The following SUSD5 variants were observed in gnomAD, a reference collection of about 807,000 sequenced individuals.
The protein encoded by SUSD5 is sushi domain containing 5.
In SUSD5, 33 loss-of-function variants were observed where a neutral mutation model predicts 29.5. That is an observed-to-expected ratio of 1.12 (90% CI 0.85 to 1.49). The LOEUF (loss-of-function observed/expected upper bound fraction) is 1.49. Among genes scored for constraint, SUSD5 ranks in the 40% most tolerant of loss-of-function variants. The pLI is 0.00. For missense variants in SUSD5, 776 were observed against 800.6 expected, an observed-to-expected ratio of 0.97 and a Z score of 0.37; for synonymous variants, 308 against 325.3, an observed-to-expected ratio of 0.95 and a Z score of 0.57.
intron 3 of SUSD5, among the ~76,000 whole-genome samples, chr3:33,190,913 C>T (rs1303741245): frequency 6.6e-6 from 1 of 152,116 alleles, no homozygotes; most frequent in Non-Finnish European, 1.5e-5. Context: ...TTTAATCTCC[C>T]CTAAATTGTC....
intron 3 of SUSD5, among the ~76,000 whole-genome samples, chr3:33,187,874 A>G (rs1242624737): frequency 7.3e-6 from 1 of 136,802 alleles, no homozygotes; most frequent in Non-Finnish European, 1.5e-5. Context: ...TCATTGTTCA[A>G]TTCCCACCTA....
At chr3:33,198,530 C>G (rs182074612) in intron 3 of SUSD5, among the ~76,000 whole-genome samples, 53 of 152,322 alleles carry the variant, frequency 3.5e-4, no homozygotes, top group African/African-American at 1.2e-3. Flanking sequence ...GCAGCCAGAA[C>G]AATTTTCAGA....
At chr3:33,180,679 T>C (rs1422475594) in intron 3 of SUSD5, among the ~76,000 whole-genome samples, 2 of 151,156 alleles carry the variant, frequency 1.3e-5, no homozygotes, top group Non-Finnish European at 3.0e-5. Flanking sequence ...ATACTAAAAA[T>C]ACAAAAAAAA....
intron 2 of SUSD5, among the ~76,000 whole-genome samples, chr3:33,213,189 C>T (rs536419803): frequency 1.3e-5 from 2 of 152,158 alleles, no homozygotes; most frequent in African/African-American, 4.8e-5. Flanking sequence ...AGGAGGATTG[C>T]TTGAGGTCAG....
chr3:33,207,338 A>C (rs2032240783), intron 3 of SUSD5, among the ~76,000 whole-genome samples: 1 of 151,904 alleles, frequency 6.6e-6, no homozygotes, highest in South Asian at 2.1e-4. Flanking sequence ...ATGCACACGG[A>C]CTCCTGGTAG....
chr3:33,213,723 T>C lies in SUSD5; in HGVS notation c.290+205A>G, dbSNP rs567050061. 2.6e-5 allele frequency among the ~76,000 whole-genome samples: 4 copies of C among 151,472 alleles called. No homozygotes were observed. In the South Asian group the frequency reaches 8.3e-4, roughly 31 times the overall value. ...TGGGAGGTGGAGGTTGCAGTGAGCC[T>C]AGATTGCACCACTGCACTCCAACCT... On this transcript the variant is annotated intron_variant, in intron 2 of 4. Coordinates refer to ENST00000309558, the MANE Select transcript of SUSD5 (RefSeq NM_015551.2).
At position 33,152,573 on chromosome 3, in the gene SUSD5, C is replaced by T; in HGVS notation, c.*169G>A. The T allele has an allele frequency of 1.4e-6, 1 of 694,306 alleles. No individual in the cohort carries two copies. The highest frequency in any genetic ancestry group is 2.4e-6 in the Non-Finnish European group (1 of 422,418). The allele number at this position is 694,306 out of a possible 1,614,324, so 43.0% of individuals were successfully genotyped here. A position where few individuals can be genotyped will look rare whatever the true frequency, so the allele number is the denominator to read the frequency against. On this transcript the variant is annotated 3_prime_UTR_variant, in exon 5 of 5. Transcript: ENST00000309558. ...ATGAGTGATGATGTCACCAAAGCCT[C>T]CCTGCCCTCCCAGGTGCTCCAGAGA...
At chr3:33,174,741 G>A (rs1185258121) in intron 4 of SUSD5, 145 bp downstream of exon 4, 2 of 820,922 alleles carry the variant, frequency 2.4e-6, no homozygotes, top group South Asian at 3.6e-5. Context: ...ATGTTGCTAG[G>A]TCCAGAGCTC....
rs202230084 is a variant in SUSD5 at position 33,191,135 on chromosome 3, G to GT, written c.410-16062dup. 9.1e-3 allele frequency among the ~76,000 whole-genome samples: 1,310 copies of GT among 143,426 alleles called. 11 individuals carry two copies. Among genetic ancestry groups the GT allele is most frequent in the East Asian group, 0.042 (208 of 4,944 alleles). The allele number at this position is 143,426 out of a possible 152,430, so 94.1% of individuals were successfully genotyped here. On this transcript the variant is annotated intron_variant, in intron 3 of 4. Transcript: ENST00000309558. ...TGCATATAATAAATTAGTATACTTT[G>GT]TTTTTTTTTTTTGAGATGGAGTCTT...
In SUSD5 at chr3:33,152,959, G is replaced by A. The variant is rs750380790; in HGVS notation, c.1673C>T (p.Thr558Ile). The change falls in exon 5 of 5, where the codon ACC (threonine) becomes ATC (isoleucine). Residue 558 changes from threonine (T) to isoleucine (I), a missense_variant. Physicochemically the swap from Thr to Ile is moderately conservative, Grantham distance 89. Coordinates refer to ENST00000309558, the MANE Select transcript of SUSD5 (RefSeq NM_015551.2). ...TCCGTCCCCCACACACGACTCCAAG[G>A]TGGGATGAAGCTCCTCACTTGCACC... The part of the protein sequence containing the change: ...GPGASEELHP[T>I]LESCVGDGCP... The A allele has an allele frequency of 5.0e-6, 8 of 1,613,878 alleles. No individual in the cohort carries two copies. In the South Asian group the frequency reaches 7.7e-5, roughly 16 times the overall value.
chr3:33,186,257 G>C (rs1440442523), intron 3 of SUSD5, among the ~76,000 whole-genome samples: 2 of 151,396 alleles, frequency 1.3e-5, no homozygotes, highest in African/African-American at 2.4e-5. Flanking sequence ...AGCCGAGATT[G>C]CGCCACTGCA....
chr3:33,210,359 A>G (rs1320921005), intron 2 of SUSD5, among the ~76,000 whole-genome samples: 2 of 152,204 alleles, frequency 1.3e-5, no homozygotes, highest in East Asian at 3.8e-4. Context: ...ACCCAAAGCA[A>G]AACGGCTCAC....
At chr3:33,155,532 T>A (rs1320269171) in intron 4 of SUSD5, among the ~76,000 whole-genome samples, 2 of 152,186 alleles carry the variant, frequency 1.3e-5, no homozygotes, top group Non-Finnish European at 2.9e-5. Context: ...GGATGCTCCA[T>A]GACACAGCAA....
In SUSD5 at chr3:33,195,963, T is replaced by A. The variant is rs2031987508; in HGVS notation, c.409+11845A>T. Among the ~76,000 whole-genome samples the A allele has an allele frequency of 2.6e-5, 4 of 152,306 alleles. No individual in the cohort carries two copies. The South Asian group carries it at 8.3e-4, about 32-fold the overall frequency. The stretch of plus-strand genomic sequence containing the variant: ...TCTATTCTAATTGTAAAAATGGAGC[T>A]AATGACATTTATCTCTTAGGATTGT... On this transcript the variant is annotated intron_variant, in intron 3 of 4. Coordinates refer to ENST00000309558, the MANE Select transcript of SUSD5 (RefSeq NM_015551.2).
intron 4 of SUSD5, among the ~76,000 whole-genome samples, chr3:33,168,196 C>T (rs2031345807): frequency 6.6e-6 from 1 of 152,180 alleles, no homozygotes; most frequent in Non-Finnish European, 1.5e-5. Flanking sequence ...TGCTACTTTC[C>T]ATCTTTTTTT....
chr3:33,218,664 C>T (rs1401678226), intron 1 of SUSD5, 22 bp downstream of exon 1: 2 of 1,277,640 alleles, frequency 1.6e-6, no homozygotes, highest in East Asian at 3.1e-5. Context: ...ACCCCCCGCC[C>T]CGCCGCCTCC....
chr3:33,176,801 G>A lies in SUSD5; in HGVS notation c.410-1727C>T, dbSNP rs112749177. Among the ~76,000 whole-genome samples the A allele has an allele frequency of 6.3e-3, 954 of 152,258 alleles. 15 individuals are homozygous for A. Among genetic ancestry groups the A allele is most frequent in the African/African-American group, 0.022 (897 of 41,538 alleles). The stretch of plus-strand genomic sequence containing the variant: ...GTGTAAGGTCTGCGTCTAGGTAATC[G>A]TTTTTGCATGTGGATGTCCAATTGT... On this transcript the variant is annotated intron_variant, in intron 3 of 4. Coordinates refer to ENST00000309558, the MANE Select transcript of SUSD5 (RefSeq NM_015551.2).
intron 4 of SUSD5, among the ~76,000 whole-genome samples, chr3:33,157,451 T>C (rs779388752): frequency 2.1e-4 from 32 of 152,192 alleles, no homozygotes; most frequent in African/African-American, 7.2e-4. Context: ...CACACTGAGA[T>C]TTAAGAAAGT....
intron 3 of SUSD5, among the ~76,000 whole-genome samples, chr3:33,190,056 C>A (rs559575764): frequency 6.6e-6 from 1 of 152,166 alleles, no homozygotes; most frequent in Non-Finnish European, 1.5e-5. Context: ...AAAAACTGAA[C>A]GTACTCATTT....
Sources: allele counts gnomAD v4.1 joint callset (sites outside exome capture counted in the v4.1 genomes callset), GRCh38; gene constraint gnomAD v4.1.1; transcripts MANE v1.5; gene names NCBI Gene and HGNC (gene_info 2026-07-23, HGNC 2026-07-21).